Variants in TCP10L observed in about 807,000 individuals in gnomAD.
The protein encoded by TCP10L is T-complex protein 10A homolog 1.
TCP10L carries 11 observed loss-of-function variants against 19.2 expected under a neutral mutation model. The observed-to-expected ratio is 0.57, with a 90% CI of 0.36 to 0.95. TCP10L has a LOEUF of 0.95. TCP10L is among the 40% of genes least tolerant of loss of function. The pLI, the probability that TCP10L is intolerant of heterozygous loss-of-function variation, is 0.01. For synonymous variants in TCP10L, 96 were observed against 97.2 expected (o/e 0.99, Z 0.07); for missense variants, 247 against 263.9 (o/e 0.94, Z 0.44).
At position 32,585,449 on chromosome 21, in the gene TCP10L, AT is replaced by A. The variant is rs2038551784; in HGVS notation, c.-31del. ...GTCCCCAACAGTCACTACTGCCAGG[AT>A]CAGATCATCTGGGCCATGTCCCCAC... On this transcript the variant is annotated 5_prime_UTR_variant, in exon 1 of 5. It removes the in-frame stop codon of an upstream open reading frame in the 5' UTR. Coordinates refer to ENST00000300258, the MANE Select transcript of TCP10L (RefSeq NM_144659.7). 6.2e-6 allele frequency: 1 copy of A among 162,530 alleles called. No homozygotes were observed. Among genetic ancestry groups the A allele is most frequent in the Non-Finnish European group, 1.4e-5 (1 of 73,380 alleles). The allele number at this position is 162,530 out of a possible 1,614,324, so 10.1% of individuals were successfully genotyped here.
At chr21:32,577,715 G>A (rs905451420) in intron 4 of TCP10L, 2 of 152,198 alleles carry the variant, frequency 1.3e-5, no homozygotes, top group Admixed American at 6.5e-5. Context: ...AGACTGCCGA[G>A]ACCAGCTCGG....
In TCP10L at chr21:32,576,427, C is replaced by T. The variant is rs1043740125; in HGVS notation, c.*347G>A. ...GCACAAAGCCATCTTCAGCCATCCT[C>T]GATTTCCAGCAAGACCCCAGGGCTC... On this transcript the variant is annotated 3_prime_UTR_variant, in exon 5 of 5. Coordinates refer to ENST00000300258, the MANE Select transcript of TCP10L (RefSeq NM_144659.7). 82 of 812,228 alleles carry T rather than the reference C, an allele frequency of 1.0e-4. No homozygotes were observed. Among genetic ancestry groups the T allele is most frequent in the Admixed American group, 2.8e-4 (10 of 35,464 alleles). 50.3% of individuals were successfully genotyped at this position (812,228 alleles called of 1,614,324 possible).
In TCP10L at chr21:32,582,316, A is replaced by G; in HGVS notation, c.244T>C (p.Leu82=). 1 of 1,613,774 alleles carries G rather than the reference A, an allele frequency of 6.2e-7. No individual in the cohort carries two copies. The highest frequency in any genetic ancestry group is 2.2e-5 in the East Asian group (1 of 44,842). The change falls in exon 3 of 5, where the codon TTG becomes CTG. Residue 82 remains leucine, a synonymous_variant. Transcript: ENST00000300258. The surrounding 1 kb of genome is among the most constrained non-coding windows in gnomAD (Gnocchi z 4.2). Reference sequence around the variant, plus strand: ...CGGAGCTCCATGTTCTGCTCCCTCAAAGCATCTATATGACTCCGGAGTTTT... The same window carrying G: ...CGGAGCTCCATGTTCTGCTCCCTCAGAGCATCTATATGACTCCGGAGTTTT... The part of the protein sequence containing the change: ...HGKLRSHIDA[L]REQNMELREK...
chr21:32,574,482 A>C lies in TCP10L; in HGVS notation c.*2292T>G, dbSNP rs994993775. The stretch of plus-strand genomic sequence containing the variant: ...AACCATCTCTTGACACCCACTCCGA[A>C]TCTCACTTCCCCAGGATGAAAAGGT... On this transcript the variant is annotated 3_prime_UTR_variant, in exon 5 of 5. Coordinates refer to ENST00000300258, the MANE Select transcript of TCP10L (RefSeq NM_144659.7). 4 of 165,950 alleles carry C rather than the reference A, an allele frequency of 2.4e-5. No individual in the cohort carries two copies. Among genetic ancestry groups the C allele is most frequent in the African/African-American group, 9.6e-5 (4 of 41,464 alleles). 10.3% of individuals were successfully genotyped at this position (165,950 alleles called of 1,614,324 possible).
At chr21:32,577,494 T>G (rs2038448619) in intron 4 of TCP10L, 1 of 152,378 alleles carries the variant, frequency 6.6e-6, no homozygotes, top group South Asian at 2.1e-4. Context: ...GCTCAGCAGT[T>G]GCTTTGGGAA....
At position 32,582,507 on chromosome 21, in the gene TCP10L, AC is replaced by A; in HGVS notation, c.145-93del. On this transcript the variant is annotated intron_variant, in intron 2 of 4. Coordinates refer to ENST00000300258, the MANE Select transcript of TCP10L (RefSeq NM_144659.7). The surrounding 1 kb of genome is among the most constrained non-coding windows in gnomAD (Gnocchi z 4.2). ...ATACTCAAGCCCTCTCTGATGTAAG[AC>A]CAACACTATTTCTGGAATAAAAGAC... 2 of 1,176,538 alleles carry A rather than the reference AC, an allele frequency of 1.7e-6. No homozygotes were observed. Among genetic ancestry groups the A allele is most frequent in the East Asian group, 2.4e-5 (1 of 41,970 alleles). 72.9% of individuals were successfully genotyped at this position (1,176,538 alleles called of 1,614,324 possible).
At chr21:32,581,744 T>C (rs912650199) in intron 3 of TCP10L, among the ~76,000 whole-genome samples, 2 of 152,194 alleles carry the variant, frequency 1.3e-5, no homozygotes, top group Non-Finnish European at 2.9e-5. Flanking sequence ...GACACCAGGC[T>C]ACTGAGCTGG....
intron 1 of TCP10L, 72 bp from the exon 2 acceptor site, chr21:32,584,377 C>T: frequency 2.0e-6 from 3 of 1,534,568 alleles, no homozygotes; most frequent in Admixed American, 3.9e-5. Flanking sequence ...GGGCTGAAGG[C>T]CCCAGCCCCA....
In TCP10L at chr21:32,578,656, T is replaced by A. The variant is rs751252842; in HGVS notation, c.498+38A>T. 2 of 1,596,532 alleles carry A rather than the reference T, an allele frequency of 1.3e-6. No individual in the cohort carries two copies. Among genetic ancestry groups the A allele is most frequent in the Non-Finnish European group, 8.5e-7 (1 of 1,172,032 alleles). ...GATGTGTGTGTTTGGGTACAGAACC[T>A]CTGCTTCTCTTTACAGATGATAAGC... is the stretch of plus-strand genomic sequence containing the variant. On this transcript the variant is annotated intron_variant, in intron 4 of 4. Coordinates refer to ENST00000300258, the MANE Select transcript of TCP10L (RefSeq NM_144659.7). The surrounding 1 kb of genome is among the most constrained non-coding windows in gnomAD (Gnocchi z 4.2).
At chr21:32,584,339 G>C in intron 1 of TCP10L, 34 bp from the exon 2 acceptor site, 1 of 1,600,878 alleles carries the variant, frequency 6.2e-7, no homozygotes, top group East Asian at 2.2e-5. Flanking sequence ...GGGGACACTT[G>C]AATGCAGCCC....
Position 32,582,469 on chromosome 21 carries a change from A to G in TCP10L, c.145-54T>C. 2 of 1,536,746 alleles carry G rather than the reference A, an allele frequency of 1.3e-6. No individual in the cohort carries two copies. Among genetic ancestry groups the G allele is most frequent in the Non-Finnish European group, 8.8e-7 (1 of 1,131,914 alleles). The stretch of plus-strand genomic sequence containing the variant: ...ACCTCTCAGATGTCACAATGGGCAC[A>G]TTTATCTGCAAAATACTCAAGCCCT... On this transcript the variant is annotated intron_variant, in intron 2 of 4. Transcript: ENST00000300258. The surrounding 1 kb of genome is among the most constrained non-coding windows in gnomAD (Gnocchi z 4.2).
rs2038461954 is a variant in TCP10L at position 32,578,781 on chromosome 21, C to T, written c.411G>A (p.Glu137=). 3 of 1,614,154 alleles carry T rather than the reference C, an allele frequency of 1.9e-6. No homozygotes were observed. Among genetic ancestry groups the T allele is most frequent in the Middle Eastern group, 1.6e-4 (1 of 6,062 alleles). The change falls in exon 4 of 5, where the codon GAG becomes GAA. Residue 137 remains glutamate, a synonymous_variant. Transcript: ENST00000300258. This position sits in a 1 kb window ranked among gnomAD's most constrained non-coding sequence, Gnocchi z 4.2. ...TGTGGCCAGCGTATTTGGGTATTGT[C>T]TCTTCATCAGCTGACAGAGGTGAAA... is the stretch of plus-strand genomic sequence containing the variant. ...GKISPLSADE[E]TIPKYAGHKN... is the part of the protein sequence containing the mutation.
Position 32,582,720 on chromosome 21 carries a change from A to ATAGCTGGG in TCP10L, c.145-313_145-306dup, listed in dbSNP as rs1327435819. 6.6e-6 allele frequency among the ~76,000 whole-genome samples: 1 copy of ATAGCTGGG among 151,538 alleles called. No homozygotes were observed. The highest frequency in any genetic ancestry group is 1.5e-5 in the Non-Finnish European group (1 of 67,932). The stretch of plus-strand genomic sequence containing the variant: ...CGATCCTCCTGTCTCGACCTCCCAA[A>ATAGCTGGG]TAGCTGGGACTACAGGCATGTGCCA... On this transcript the variant is annotated intron_variant, in intron 2 of 4. Transcript: ENST00000300258. This position sits in a 1 kb window ranked among gnomAD's most constrained non-coding sequence, Gnocchi z 4.2.
chr21:32,584,806 T>C (rs961749687), intron 1 of TCP10L, among the ~76,000 whole-genome samples: 3 of 152,122 alleles, frequency 2.0e-5, no homozygotes, highest in African/African-American at 7.2e-5. Context: ...AGCACCCACC[T>C]GGAGGGGCAC....
rs548909540 is a variant in TCP10L, at chr21:32,582,916, T to C, written c.145-501A>G. On this transcript the variant is annotated intron_variant, in intron 2 of 4. Transcript: ENST00000300258. This position sits in a 1 kb window ranked among gnomAD's most constrained non-coding sequence, Gnocchi z 4.2. Reference sequence around the variant, plus strand: ...CCATAGCTTTATTCTTATTAAGTAGTGTTTATTATGAGTTAGTCCACATAA... The same window carrying C: ...CCATAGCTTTATTCTTATTAAGTAGCGTTTATTATGAGTTAGTCCACATAA... Among the ~76,000 whole-genome samples the C allele has an allele frequency of 7.2e-5, 11 of 152,234 alleles. No individual in the cohort carries two copies. The highest frequency in any genetic ancestry group is 3.4e-3 in the Middle Eastern group (1 of 294).
At position 32,582,224 on chromosome 21, in the gene TCP10L, G is replaced by A. The variant is rs531845693; in HGVS notation, c.336C>T (p.His112=). The change falls in exon 3 of 5, where the codon CAC becomes CAT. Residue 112 remains histidine, a synonymous_variant. Transcript: ENST00000300258. The surrounding 1 kb of genome is among the most constrained non-coding windows in gnomAD (Gnocchi z 4.2). ...KARKKSAASP[H]AGQESHTLAL... is the part of the protein sequence containing the mutation. Reference sequence around the variant, plus strand: ...CCAGAGTGTGCGATTCTTGCCCCGCGTGTGGGGACGCTGCAGATTTCTTCC... The same window carrying A: ...CCAGAGTGTGCGATTCTTGCCCCGCATGTGGGGACGCTGCAGATTTCTTCC... 27 of 1,614,142 alleles carry A rather than the reference G, an allele frequency of 1.7e-5. No homozygotes were observed. The East Asian group carries it at 1.8e-4, about 11-fold the overall frequency.
At position 32,584,261 on chromosome 21, in the gene TCP10L, G is replaced by A. The variant is rs754947312; in HGVS notation, c.44C>T (p.Thr15Ile). The change falls in exon 2 of 5, where the codon ACC becomes ATC. Residue 15 changes from threonine to isoleucine, a missense_variant. Thr to Ile is a moderately conservative substitution (Grantham distance 89, BLOSUM62 -1). Transcript: ENST00000300258. The stretch of plus-strand genomic sequence containing the variant: ...TCCTGGGCACGGGTCCTCTGGGTGG[G>A]TGCCCTCTTTGGGGTCCCTGGCCTC... ...QLEARDPKEG[T>I]HPEDPCPGAG... The A allele has an allele frequency of 5.6e-6, 9 of 1,613,956 alleles. No homozygotes were observed. Among genetic ancestry groups the A allele is most frequent in the Non-Finnish European group, 7.6e-6 (9 of 1,179,992 alleles).
In TCP10L at chr21:32,574,412, G is replaced by C. The variant is rs1427624626; in HGVS notation, c.*2362C>G. 6.6e-6 allele frequency among the ~76,000 whole-genome samples: 1 copy of C among 152,178 alleles called. No homozygotes were observed. The highest frequency in any genetic ancestry group is 1.5e-5 in the Non-Finnish European group (1 of 68,028). ...AAGGCTGAACCTCAGGAAATAAAGAGACATTTGGAATCATCTTAATTTTCT... is the reference window on the plus strand; with the variant it reads ...AAGGCTGAACCTCAGGAAATAAAGACACATTTGGAATCATCTTAATTTTCT... On this transcript the variant is annotated 3_prime_UTR_variant, in exon 5 of 5. Coordinates refer to ENST00000300258, the MANE Select transcript of TCP10L (RefSeq NM_144659.7).
intron 3 of TCP10L, among the ~76,000 whole-genome samples, chr21:32,580,231 G>A (rs112723527): frequency 5.3e-5 from 8 of 152,046 alleles, no homozygotes; most frequent in African/African-American, 1.9e-4. Context: ...TCAGCCTCCC[G>A]AGTAGCTGGG....
Sources: allele counts gnomAD v4.1 joint callset (sites outside exome capture counted in the v4.1 genomes callset), GRCh38; gene constraint gnomAD v4.1.1; non-coding constraint Gnocchi (gnomAD v3.1); transcripts MANE v1.5; gene names NCBI Gene and HGNC (gene_info 2026-07-23, HGNC 2026-07-21).